Variants in MARK1 observed in about 807,000 individuals in gnomAD.
MARK1 encodes the protein serine/threonine-protein kinase MARK1.
MARK1 carries 40 observed loss-of-function variants against 96.3 expected under a neutral mutation model. That is an observed-to-expected ratio of 0.42 (90% CI 0.32 to 0.54). The LOEUF is 0.54. Among genes scored for constraint, MARK1 ranks in the 20% least tolerant of loss-of-function variants. MARK1 has a pLI of 0.16. For missense variants in MARK1, 719 were observed against 984.6 expected (o/e 0.73, Z 3.61); for synonymous variants, 317 against 341.2 (o/e 0.93, Z 0.78).
intron 13 of MARK1, among the ~76,000 whole-genome samples, chr1:220,643,788 T>C (rs1473059428): frequency 6.6e-6 from 1 of 151,944 alleles, no homozygotes; most frequent in Non-Finnish European, 1.5e-5. Context: ...TTAAAGAAAA[T>C]TTCCAACCCA....
chr1:220,650,696 C>T lies in MARK1; in HGVS notation c.1547C>T (p.Ala516Val), dbSNP rs1172105618. ...GAAAGGACCACAGATCGATACGTAG[C>T]ATTGCAGAATGGAAAAGACAGCAGG... ...VCERTTDRYVALQNGKDSSLT... is the reference protein window; with the variant it reads ...VCERTTDRYVVLQNGKDSSLT... The change falls in exon 14 of 18, where the codon GCA (alanine) becomes GTA (valine). Residue 516 changes from alanine (A) to valine (V), a missense_variant. Ala to Val is a moderately conservative substitution (Grantham distance 64, BLOSUM62 0). This residue lies in a region of MARK1 where 501 missense variants were observed against 588.3 expected (regional missense o/e 0.85). Coordinates refer to ENST00000366917, the MANE Select transcript of MARK1 (RefSeq NM_018650.5). The T allele has an allele frequency of 3.1e-6, 5 of 1,613,292 alleles. No homozygotes were observed. The African/African-American group carries it at 6.7e-5, about 22-fold the overall frequency.
intron 1 of MARK1, among the ~76,000 whole-genome samples, chr1:220,546,824 T>G (rs570859065): frequency 6.6e-6 from 1 of 152,084 alleles, no homozygotes; most frequent in East Asian, 1.9e-4. Context: ...TACAAAAAAT[T>G]AGCTGGGCAT....
At chr1:220,585,089 GATGAA>G (rs1314112808) in intron 3 of MARK1, among the ~76,000 whole-genome samples, 1 of 152,140 alleles carries the variant, frequency 6.6e-6, no homozygotes, top group African/African-American at 2.4e-5. Flanking sequence ...AACCAATAAT[GATGAA>G]ATACCCCTAG....
chr1:220,628,253 G>A (rs555674052), intron 9 of MARK1, among the ~76,000 whole-genome samples: 50 of 152,132 alleles, frequency 3.3e-4, no homozygotes, highest in Non-Finnish European at 6.5e-4. Context: ...TTATACATAC[G>A]TGAATCTCTT....
chr1:220,574,106 T>C (rs963247203), intron 1 of MARK1, among the ~76,000 whole-genome samples: 3 of 152,234 alleles, frequency 2.0e-5, no homozygotes, highest in Admixed American at 6.5e-5. Flanking sequence ...GTCTGTTCCT[T>C]CATGTGTCTA....
At chr1:220,607,638 G>A (rs897144245) in intron 6 of MARK1, among the ~76,000 whole-genome samples, 16 of 151,892 alleles carry the variant, frequency 1.1e-4, no homozygotes, top group Non-Finnish European at 2.2e-4. Context: ...TGCCCATTGA[G>A]TATGGGGAAT....
chr1:220,598,272 G>T (rs12734040), intron 3 of MARK1, 59 bp from the exon 4 acceptor site: 3 of 503,656 alleles, frequency 6.0e-6, no homozygotes, highest in East Asian at 5.6e-5. Flanking sequence ...TATTTTAATT[G>T]GCTCTCTGCT....
chr1:220,650,871 T>C (rs1370261770), intron 14 of MARK1, 151 bp downstream of exon 14: 9 of 550,542 alleles, frequency 1.6e-5, no homozygotes, highest in Non-Finnish European at 3.3e-6. Context: ...AAGACATCTT[T>C]CCTGTACCAG....
intron 1 of MARK1, among the ~76,000 whole-genome samples, chr1:220,568,347 A>G (rs1255520720): frequency 1.3e-5 from 2 of 152,136 alleles, no homozygotes; most frequent in East Asian, 3.9e-4. Context: ...TATCTGAGAG[A>G]AGAATGTTCT....
At chr1:220,565,620 A>G (rs1233391940) in intron 1 of MARK1, among the ~76,000 whole-genome samples, 4 of 152,092 alleles carry the variant, frequency 2.6e-5, no homozygotes, top group Admixed American at 2.6e-4. Flanking sequence ...TGGGGAGGAA[A>G]CAAAGGCTTC....
chr1:220,634,083 A>G (rs377451314), intron 11 of MARK1, among the ~76,000 whole-genome samples: 34 of 152,318 alleles, frequency 2.2e-4, no homozygotes, highest in African/African-American at 7.9e-4. Flanking sequence ...TAGTGGAGAC[A>G]TTAATAGCTA....
intron 3 of MARK1, among the ~76,000 whole-genome samples, chr1:220,586,009 A>ACGCGCGCGCG (rs66540247): frequency 1.0e-3 from 134 of 129,718 alleles, no homozygotes; most frequent in African/African-American, 3.6e-3. Context: ...ACACACACAC[A>ACGCGCGCGCG]CACGCGCGCG....
chr1:220,578,883 C>T (rs1321374455), intron 1 of MARK1, among the ~76,000 whole-genome samples: 2 of 152,124 alleles, frequency 1.3e-5, no homozygotes, highest in East Asian at 3.9e-4. Context: ...CGCTCTGTCA[C>T]CCAGGCTGGA....
chr1:220,552,571 A>C (rs577147400), intron 1 of MARK1, among the ~76,000 whole-genome samples: 32 of 152,300 alleles, frequency 2.1e-4, no homozygotes, highest in African/African-American at 7.7e-4. Context: ...GCCTGCTTTC[A>C]TTCTTTATTT....
intron 3 of MARK1, among the ~76,000 whole-genome samples, chr1:220,597,497 C>T (rs1665453264): frequency 6.6e-6 from 1 of 152,114 alleles, no homozygotes; most frequent in Non-Finnish European, 1.5e-5. Context: ...TAATGTTCAA[C>T]ATCTTTTTGT....
chr1:220,615,657 A>C (rs1410079292), intron 6 of MARK1, among the ~76,000 whole-genome samples: 2 of 152,172 alleles, frequency 1.3e-5, no homozygotes, highest in Non-Finnish European at 2.9e-5. Context: ...CAGTCACATA[A>C]ACAGAGAACT....
chr1:220,647,163 A>T (rs1668625889), intron 13 of MARK1, among the ~76,000 whole-genome samples: 1 of 152,214 alleles, frequency 6.6e-6, no homozygotes, highest in Non-Finnish European at 1.5e-5. Context: ...CATCTGACAA[A>T]GGTCTAACAT....
intron 17 of MARK1, 126 bp downstream of exon 17, chr1:220,657,960 T>G (rs886523308): frequency 4.9e-5 from 31 of 633,904 alleles, no homozygotes; most frequent in Non-Finnish European, 5.9e-5. Context: ...ATTTTAGATT[T>G]TTATATTGGG....
At chr1:220,593,518 C>T (rs900152187) in intron 3 of MARK1, among the ~76,000 whole-genome samples, 2 of 152,108 alleles carry the variant, frequency 1.3e-5, no homozygotes, top group Non-Finnish European at 2.9e-5. Flanking sequence ...TGAATTTTAT[C>T]TGCTCATGTG....
Sources: allele counts gnomAD v4.1 joint callset (sites outside exome capture counted in the v4.1 genomes callset), GRCh38; gene constraint gnomAD v4.1.1; regional missense constraint gnomAD v4.1.1; transcripts MANE v1.5; gene names NCBI Gene and HGNC (gene_info 2026-07-23, HGNC 2026-07-21).